Variants in HPCAL1 observed in about 807,000 individuals in gnomAD.
HPCAL1 encodes hippocalcin like 1.
Under a neutral mutation model 17.1 loss-of-function variants are expected in HPCAL1, and 8 were observed. The observed-to-expected ratio is 0.47, with a 90% confidence interval of 0.27 to 0.84. HPCAL1 has a LOEUF of 0.84. HPCAL1 is among the 40% of genes least tolerant of loss of function. The probability of loss-of-function intolerance (pLI) is 0.13; values close to 1 mark genes in which losing one functional copy is unlikely to be tolerated. For synonymous variants in HPCAL1, 112 were observed against 111.4 expected, an observed-to-expected ratio of 1.01 and a Z score of -0.03; for missense variants, 165 against 271.1, an observed-to-expected ratio of 0.61 and a Z score of 2.75.
chr2:10,353,709 T>C (rs4669576), intron 1 of HPCAL1, among the ~76,000 whole-genome samples: 55,356 of 152,000 alleles, frequency 0.36, 10,532 homozygotes, highest in South Asian at 0.6. Flanking sequence ...GCTGGGATTA[T>C]AGGCGTGTGC....
At chr2:10,421,415 T>A (rs1203453370) in intron 3 of HPCAL1, among the ~76,000 whole-genome samples, 1 of 152,028 alleles carries the variant, frequency 6.6e-6, no homozygotes, top group Non-Finnish European at 1.5e-5. Context: ...CCCAGGAGCA[T>A]CCAATTCTAG....
In HPCAL1 at chr2:10,394,730, T is replaced by C. The variant is rs1668908560; in HGVS notation, c.-110-2105T>C. ...TCGTGGGGAAGGCTGTGGCCGGGAG[T>C]GGTGTAAGGGGTGTGTGGGAACTTT... On this transcript the variant is annotated intron_variant, in intron 1 of 4. Transcript: ENST00000307845. This position sits in a 1 kb window ranked among gnomAD's most constrained non-coding sequence, Gnocchi z 5.0. 6.6e-6 allele frequency among the ~76,000 whole-genome samples: 1 copy of C among 151,790 alleles called. No individual in the cohort carries two copies. The highest frequency in any genetic ancestry group is 6.6e-5 in the Admixed American group (1 of 15,232).
intron 1 of HPCAL1, among the ~76,000 whole-genome samples, chr2:10,324,620 T>C (rs991736012): frequency 6.6e-6 from 1 of 151,904 alleles, no homozygotes; most frequent in Non-Finnish European, 1.5e-5. Context: ...GAAATGCAAA[T>C]GATAGGAAAC....
chr2:10,304,933 G>A lies in HPCAL1; in HGVS notation c.-111+1756G>A, dbSNP rs1355834575. On this transcript the variant is annotated intron_variant, in intron 1 of 4. Coordinates refer to ENST00000307845, the MANE Select transcript of HPCAL1 (RefSeq NM_002149.4). This position sits in a 1 kb window ranked among gnomAD's most constrained non-coding sequence, Gnocchi z 4.1. ...GCGCTTCCCAACTGTCAGGGGCTAC[G>A]TGATGGTGTTCCCAGAGAGGCGGGC... Among the ~76,000 whole-genome samples, 1 of 152,194 alleles carries A rather than the reference G, an allele frequency of 6.6e-6. No homozygotes were observed. The highest frequency in any genetic ancestry group is 1.5e-5 in the Non-Finnish European group (1 of 68,032).
chr2:10,334,409 GA>G (rs1230828379), intron 1 of HPCAL1, among the ~76,000 whole-genome samples: 2 of 152,060 alleles, frequency 1.3e-5, no homozygotes, highest in Non-Finnish European at 2.9e-5. Context: ...TCAGGAGGCT[GA>G]GGTGGGAGGC....
chr2:10,419,298 C>T lies in HPCAL1; in HGVS notation c.-24-436C>T, dbSNP rs114631964. 2.8e-3 allele frequency among the ~76,000 whole-genome samples: 421 copies of T among 152,242 alleles called. 1 individual carries two copies. Among genetic ancestry groups the T allele is most frequent in the African/African-American group, 9.3e-3 (388 of 41,552 alleles). ...TAGACGCCTCTTCTAAAGATAAAAACATAATGTGATGCCTGAAAGAGGGAA... is the reference window on the plus strand; with the variant it reads ...TAGACGCCTCTTCTAAAGATAAAAATATAATGTGATGCCTGAAAGAGGGAA... On this transcript the variant is annotated intron_variant, in intron 2 of 4. Coordinates refer to ENST00000307845, the MANE Select transcript of HPCAL1 (RefSeq NM_002149.4). This position sits in a 1 kb window ranked among gnomAD's most constrained non-coding sequence, Gnocchi z 5.0.
rs771997212 is a variant in HPCAL1, at chr2:10,323,910, A to G, written c.-111+20733A>G. On this transcript the variant is annotated intron_variant, in intron 1 of 4. Transcript: ENST00000307845. The surrounding 1 kb of genome is among the most constrained non-coding windows in gnomAD (Gnocchi z 4.6). ...AACATCTGATTTTTCTAGTCTTCCC[A>G]TTACTAAATGTGGCACAAGAACGTA... is the stretch of plus-strand genomic sequence containing the variant. Among the ~76,000 whole-genome samples, 52 of 152,352 alleles carry G rather than the reference A, an allele frequency of 3.4e-4. No individual in the cohort carries two copies. Among genetic ancestry groups the G allele is most frequent in the Non-Finnish European group, 6.3e-4 (43 of 68,030 alleles).
At chr2:10,364,594 T>TG (rs1341999759) in intron 1 of HPCAL1, among the ~76,000 whole-genome samples, 1 of 151,746 alleles carries the variant, frequency 6.6e-6, no homozygotes, top group Non-Finnish European at 1.5e-5. Flanking sequence ...TCCTTTTTTT[T>TG]TTTTTTTGGA....
Position 10,368,095 on chromosome 2 carries a change from T to A in HPCAL1, c.-110-28740T>A, listed in dbSNP as rs189023633. On this transcript the variant is annotated intron_variant, in intron 1 of 4. Transcript: ENST00000307845. ...ATACACATGTGTAGGTGTGTGCCTG[T>A]GTGTGCATATGCGCATACACATGTA... 2.3e-3 allele frequency among the ~76,000 whole-genome samples: 353 copies of A among 152,158 alleles called. 3 individuals are homozygous for A. The highest frequency in any genetic ancestry group is 0.019 in the Admixed American group (297 of 15,290).
At position 10,377,845 on chromosome 2, in the gene HPCAL1, G is replaced by C. The variant is rs1667673004; in HGVS notation, c.-110-18990G>C. ...GAGCCACCGAGGGGGGCCAGGCACG[G>C]GGGAGGGTATTCAAGGGCGGCAAGC... is the stretch of plus-strand genomic sequence containing the variant. On this transcript the variant is annotated intron_variant, in intron 1 of 4. Coordinates refer to ENST00000307845, the MANE Select transcript of HPCAL1 (RefSeq NM_002149.4). This position sits in a 1 kb window ranked among gnomAD's most constrained non-coding sequence, Gnocchi z 5.9. Among the ~76,000 whole-genome samples the C allele has an allele frequency of 6.6e-6, 1 of 152,244 alleles. No individual in the cohort carries two copies. The highest frequency in any genetic ancestry group is 6.5e-5 in the Admixed American group (1 of 15,290).
intron 1 of HPCAL1, among the ~76,000 whole-genome samples, chr2:10,345,977 A>T (rs1341208083): frequency 6.6e-6 from 1 of 152,188 alleles, no homozygotes; most frequent in Non-Finnish European, 1.5e-5. Context: ...ACCAGGAAGA[A>T]CAATTGTGGG....
At chr2:10,385,097 CAAA>C (rs34671924) in intron 1 of HPCAL1, among the ~76,000 whole-genome samples, 18 of 140,674 alleles carry the variant, frequency 1.3e-4, no homozygotes, top group Non-Finnish European at 1.6e-4. Context: ...GACTCCGTCT[CAAA>C]AAAAAAAAAA....
At chr2:10,417,937 G>A (rs1355228601) in intron 2 of HPCAL1, among the ~76,000 whole-genome samples, 4 of 152,008 alleles carry the variant, frequency 2.6e-5, no homozygotes, top group Non-Finnish European at 5.9e-5. Flanking sequence ...AGCTACTCAG[G>A]AGACTGAGGT....
chr2:10,305,913 G>A (rs1485024300), intron 1 of HPCAL1, among the ~76,000 whole-genome samples: 3 of 152,174 alleles, frequency 2.0e-5, no homozygotes, highest in East Asian at 3.8e-4. Context: ...CTGTTGAAGC[G>A]CTGGTGCTCA....
intron 1 of HPCAL1, among the ~76,000 whole-genome samples, chr2:10,307,352 C>A (rs1662690952): frequency 6.6e-6 from 1 of 152,202 alleles, no homozygotes; most frequent in Non-Finnish European, 1.5e-5. Context: ...CAAGTGAGGT[C>A]TCCTCTCAGG....
chr2:10,348,401 A>T (rs1015492148), intron 1 of HPCAL1, among the ~76,000 whole-genome samples: 4 of 152,140 alleles, frequency 2.6e-5, no homozygotes, highest in Non-Finnish European at 5.9e-5. Flanking sequence ...GTGAGCCGAG[A>T]TCGCTCCACT....
chr2:10,338,901 T>C lies in HPCAL1; in HGVS notation c.-111+35724T>C, dbSNP rs185347927. Among the ~76,000 whole-genome samples the C allele has an allele frequency of 2.2e-4, 34 of 152,304 alleles. 1 individual carries two copies. In the East Asian group the frequency reaches 6.6e-3, roughly 29 times the overall value. Reference sequence around the variant, plus strand: ...CACATGGAATACAAGCTAATGTTTATTGAGTACTTACTGCCTGCCTGCTAC... The same window carrying C: ...CACATGGAATACAAGCTAATGTTTACTGAGTACTTACTGCCTGCCTGCTAC... On this transcript the variant is annotated intron_variant, in intron 1 of 4. Coordinates refer to ENST00000307845, the MANE Select transcript of HPCAL1 (RefSeq NM_002149.4).
Position 10,359,163 on chromosome 2 carries a change from C to A in HPCAL1, c.-110-37672C>A, listed in dbSNP as rs1666371383. ...ATGCCCTTTGAGGGGGAAAAGGGAACCTTTCCCGTTTCACAGCCACAGTTT... is the reference window on the plus strand; with the variant it reads ...ATGCCCTTTGAGGGGGAAAAGGGAAACTTTCCCGTTTCACAGCCACAGTTT... On this transcript the variant is annotated intron_variant, in intron 1 of 4. Coordinates refer to ENST00000307845, the MANE Select transcript of HPCAL1 (RefSeq NM_002149.4). This position sits in a 1 kb window ranked among gnomAD's most constrained non-coding sequence, Gnocchi z 4.1. Among the ~76,000 whole-genome samples the A allele has an allele frequency of 6.6e-6, 1 of 152,174 alleles. No homozygotes were observed. The highest frequency in any genetic ancestry group is 2.4e-5 in the African/African-American group (1 of 41,424).
chr2:10,337,003 G>A lies in HPCAL1; in HGVS notation c.-111+33826G>A, dbSNP rs111244680. Among the ~76,000 whole-genome samples the A allele has an allele frequency of 3.9e-3, 586 of 152,168 alleles. 5 individuals carry two copies. Among genetic ancestry groups the A allele is most frequent in the African/African-American group, 0.014 (564 of 41,514 alleles). On this transcript the variant is annotated intron_variant, in intron 1 of 4. Transcript: ENST00000307845. ...CCTGGCCTCAAGTGTTCTTCCCACC[G>A]CAGCCTCCCAAAGTGCTGGGATTAC...
Sources: gnomAD v4.1 joint callset for allele counts (sites outside exome capture counted in the v4.1 genomes callset) on GRCh38, gnomAD v4.1.1 for gene constraint, Gnocchi (gnomAD v3.1) non-coding constraint, MANE v1.5 for transcripts, NCBI Gene and HGNC (gene_info 2026-07-23, HGNC 2026-07-21) for gene names.